The following NPIPB2 variants were observed in gnomAD, a reference collection of about 807,000 sequenced individuals.
The protein encoded by NPIPB2 is nuclear pore complex interacting protein family member B2.
NPIPB2 carries 27 observed loss-of-function variants against 30.8 expected under a neutral mutation model. That is an observed-to-expected ratio of 0.88 (90% CI 0.65 to 1.21). The LOEUF (loss-of-function observed/expected upper bound fraction) is 1.21. Among genes scored for constraint, NPIPB2 ranks in the 50% most tolerant of loss-of-function variants. The pLI is 0.00. For missense variants in NPIPB2, 440 were observed against 446.2 expected (o/e 0.99, Z 0.13); for synonymous variants, 147 against 162.0 (o/e 0.91, Z 0.70).
At chr16:11,972,668 A>G (rs745955863) in intron 1 of NPIPB2, among the ~76,000 whole-genome samples, 1 of 150,742 alleles carries the variant, frequency 6.6e-6, no homozygotes, top group Non-Finnish European at 1.5e-5. Context: ...AAGTCAAGAG[A>G]TTGAGTCCAT....
intron 1 of NPIPB2, among the ~76,000 whole-genome samples, chr16:11,963,051 CA>C (rs2055165887): frequency 6.6e-6 from 1 of 151,816 alleles, no homozygotes; most frequent in Non-Finnish European, 1.5e-5. Flanking sequence ...AGGGAGACTC[CA>C]TCTCAAAACA....
chr16:11,951,418 C>T (rs2055060602), intron 1 of NPIPB2, among the ~76,000 whole-genome samples: 1 of 118,824 alleles, frequency 8.4e-6, no homozygotes, highest in Admixed American at 1.1e-4. Flanking sequence ...GAGCCGAGAT[C>T]ATGCCACTGC....
intron 1 of NPIPB2, among the ~76,000 whole-genome samples, chr16:11,972,114 C>A (rs931347047): frequency 4.6e-5 from 7 of 151,834 alleles, no homozygotes; most frequent in South Asian, 2.1e-4. Flanking sequence ...CTATTGCACT[C>A]CACAGCCCAG....
chr16:11,944,135 C>G (rs559971332), upstream of NPIPB2, among the ~76,000 whole-genome samples: 1 of 150,756 alleles, frequency 6.6e-6, no homozygotes, highest in South Asian at 2.1e-4. Context: ...AACAGCAGAA[C>G]ACCAGTACTG....
At chr16:11,937,369 C>T (rs1440399945) in intron 2 of NPIPB2, among the ~76,000 whole-genome samples, 171 bp downstream of exon 2, 1 of 152,224 alleles carries the variant, frequency 6.6e-6, no homozygotes, top group African/African-American at 2.4e-5. Flanking sequence ...ATTTAATTTT[C>T]ATAATGTAAA....
At chr16:11,934,124 G>A (rs543521841) in intron 2 of NPIPB2, among the ~76,000 whole-genome samples, 200 bp from the exon 3 acceptor site, 1,856 of 151,768 alleles carry the variant, frequency 0.012, 37 homozygotes, top group African/African-American at 0.043. Flanking sequence ...CGAGCTACTC[G>A]GGAGGCTGAG....
rs1392711113 is a variant in NPIPB2 at position 11,966,286 on chromosome 16, GT to G, written c.-584+10281del. The G allele has an allele frequency of 2.5e-6, 4 of 1,614,006 alleles. No homozygotes were observed. The African/African-American group carries it at 4.0e-5, about 16-fold the overall frequency. ...TTTCTTTGGCAGTTTTCGTGCTAAT[GT>G]TTTTGCTAAGGAAGATAAACTCTGA... On this transcript the variant is annotated intron_variant, in intron 1 of 5. Coordinates refer to the NPIPB2 transcript ENST00000538896.
chr16:11,953,428 C>A (rs1372967353), intron 1 of NPIPB2, among the ~76,000 whole-genome samples: 1 of 140,086 alleles, frequency 7.1e-6, no homozygotes, highest in Non-Finnish European at 1.5e-5. Context: ...CTGCAACCTC[C>A]GCCTCCCAGG....
At chr16:11,927,549 T>C (rs780922967) in exon 8 of NPIPB2, 1 of 1,604,766 alleles carries the variant, frequency 6.2e-7, no homozygotes, top group South Asian at 1.1e-5. Flanking sequence ...GCTCTCCACC[T>C]CTTGGGTTTG....
intron 1 of NPIPB2, among the ~76,000 whole-genome samples, chr16:11,963,240 C>T (rs755934539): frequency 1.6e-4 from 25 of 152,128 alleles, no homozygotes; most frequent in Non-Finnish European, 2.2e-4. Flanking sequence ...ACTAGCCAGG[C>T]GTGGTGGCAT....
upstream of NPIPB2, among the ~76,000 whole-genome samples, chr16:11,946,042 G>GA (rs1366804398): frequency 6.8e-6 from 1 of 148,004 alleles, no homozygotes; most frequent in East Asian, 2.0e-4. Context: ...AAAAAGAAAA[G>GA]AAAAAAAGAA....
chr16:11,928,646 G>C lies in NPIPB2; in HGVS notation c.687+594C>G. The C allele has an allele frequency of 2.1e-5, 9 of 438,900 alleles. 1 individual carries two copies. Among genetic ancestry groups the C allele is most frequent in the Non-Finnish European group, 2.5e-5 (9 of 356,918 alleles). The allele number at this position is 438,900 out of a possible 1,614,324, so 27.2% of individuals were successfully genotyped here. A position where few individuals can be genotyped will look rare whatever the true frequency, so the allele number is the denominator to read the frequency against. ...CTGAAGAGCTGCAGGGGAACTGGGAGAGGGTTTTCTGACAGAACAATCTCA... is the reference window on the plus strand; with the variant it reads ...CTGAAGAGCTGCAGGGGAACTGGGACAGGGTTTTCTGACAGAACAATCTCA... On this transcript the variant is annotated intron_variant, in intron 7 of 7. Coordinates refer to ENST00000399147, the Ensembl canonical transcript of NPIPB2.
chr16:11,966,807 GAATT>G (rs1269611562), intron 1 of NPIPB2, among the ~76,000 whole-genome samples: 6 of 151,958 alleles, frequency 3.9e-5, no homozygotes, highest in African/African-American at 7.3e-5. Context: ...AGTTGCTCCT[GAATT>G]ATTTGAGGAA....
At chr16:11,967,477 A>G in intron 1 of NPIPB2, 1 of 1,312,282 alleles carries the variant, frequency 7.6e-7, no homozygotes. Flanking sequence ...AATCTCTCTC[A>G]CATTGCTTTG....
chr16:11,959,356 A>G (rs1468848656), intron 1 of NPIPB2, among the ~76,000 whole-genome samples: 2 of 152,168 alleles, frequency 1.3e-5, no homozygotes, highest in African/African-American at 4.8e-5. Context: ...CTGAAGTGGG[A>G]GAATAGCTTG....
At chr16:11,931,661 GA>G (rs2054791950) in intron 4 of NPIPB2, among the ~76,000 whole-genome samples, 2 of 143,666 alleles carry the variant, frequency 1.4e-5, no homozygotes, top group Non-Finnish European at 3.1e-5. Flanking sequence ...GTGCACTTGG[GA>G]ACTAGAAACA....
At chr16:11,970,419 G>T (rs1219372540) in intron 1 of NPIPB2, among the ~76,000 whole-genome samples, 2 of 151,952 alleles carry the variant, frequency 1.3e-5, no homozygotes, top group African/African-American at 4.8e-5. Flanking sequence ...CACCATATTG[G>T]TCAGGCTGGT....
intron 1 of NPIPB2, chr16:11,965,172 G>T: frequency 1.1e-6 from 1 of 897,202 alleles, no homozygotes; most frequent in Non-Finnish European, 1.7e-6. Context: ...CGAAGACACA[G>T]ACAGCCCCCG....
intron 1 of NPIPB2, among the ~76,000 whole-genome samples, chr16:11,951,460 C>CAAAAAAAA (rs144775580): frequency 1.0e-3 from 52 of 49,760 alleles, no homozygotes; most frequent in Non-Finnish European, 1.5e-3. Context: ...AAGACTGTCT[C>CAAAAAAAA]AAAAAAAAAA....
Sources: allele counts gnomAD v4.1 joint callset (sites outside exome capture counted in the v4.1 genomes callset), GRCh38; gene constraint gnomAD v4.1.1; transcripts MANE v1.5; gene names NCBI Gene and HGNC (gene_info 2026-07-23, HGNC 2026-07-21).